ASB18: variants seen among roughly 807,000 people sequenced by gnomAD.
ASB18 encodes ankyrin repeat and SOCS box protein 18.
ASB18 carries 33 observed loss-of-function variants against 33.4 expected under a neutral mutation model. The ratio of observed to expected loss-of-function variants is 0.99; its 90% confidence interval spans 0.75 to 1.32. The LOEUF (loss-of-function observed/expected upper bound fraction) is 1.32, where lower values mean the gene tolerates loss of function less well. ASB18 is among the 40% of genes most tolerant of loss of function. The probability of loss-of-function intolerance (pLI) is 0.00; values close to 1 mark genes in which losing one functional copy is unlikely to be tolerated. For synonymous variants in ASB18, 295 were observed against 307.6 expected, an observed-to-expected ratio of 0.96 and a Z score of 0.43; for missense variants, 694 against 655.5, an observed-to-expected ratio of 1.06 and a Z score of -0.64.
In ASB18 at chr2:236,226,446, GA is replaced by G. The variant is rs35773937; in HGVS notation, c.596+11242del. 0.14 allele frequency among the ~76,000 whole-genome samples: 20,765 copies of G among 152,064 alleles called. 1,486 individuals carry two copies. The highest frequency in any genetic ancestry group is 0.22 in the Middle Eastern group (64 of 294). ...TGAAACAAGAAAGAAGAAAGAGGAG[GA>G]AGAAGAGGAAGACAGAAGAAGAGAG... On this transcript the variant is annotated intron_variant, in intron 3 of 5. Coordinates refer to ENST00000409749, the MANE Select transcript of ASB18 (RefSeq NM_212556.4). This position sits in a 1 kb window ranked among gnomAD's most constrained non-coding sequence, Gnocchi z 4.8.
chr2:236,218,402 G>A (rs144506729), intron 3 of ASB18, among the ~76,000 whole-genome samples: 138 of 152,282 alleles, frequency 9.1e-4, no homozygotes, highest in African/African-American at 3.2e-3. Flanking sequence ...TTAATGGCAT[G>A]GAAATACATT....
Position 236,196,281 on chromosome 2 carries a change from T to C in ASB18, c.1206A>G (p.Glu402=). 1.3e-6 allele frequency: 2 copies of C among 1,547,136 alleles called. No individual in the cohort carries two copies. The highest frequency in any genetic ancestry group is 4.9e-5 in the East Asian group (2 of 41,222). The stretch of plus-strand genomic sequence containing the variant: ...AAGGCAGCCCTCTTGCCTGGAATAC[T>C]TCCTCAGGAATCACTTCCTTCCAGG... ...SESWKEVIPE[E]VFQMHKPFYQ... is the part of the protein sequence containing the mutation. Residue 402 remains glutamate, a synonymous_variant, in exon 5 of 6, where the codon GAA becomes GAG. Transcript: ENST00000409749. The surrounding 1 kb of genome is among the most constrained non-coding windows in gnomAD (Gnocchi z 5.6).
In ASB18 at chr2:236,208,052, A is replaced by G. The variant is rs1451617309; in HGVS notation, c.1101+6310T>C. Among the ~76,000 whole-genome samples the G allele has an allele frequency of 3.3e-5, 5 of 151,328 alleles. No homozygotes were observed. On this transcript the variant is annotated intron_variant, in intron 4 of 5. Transcript: ENST00000409749. This position sits in a 1 kb window ranked among gnomAD's most constrained non-coding sequence, Gnocchi z 7.7. ...TTTCTAGACTGGGCATCATATCGACATCATAAGAGCTATTATCGGTGGTCC... is the reference window on the plus strand; with the variant it reads ...TTTCTAGACTGGGCATCATATCGACGTCATAAGAGCTATTATCGGTGGTCC...
rs566665797 is a variant in ASB18, at chr2:236,233,977, T to C, written c.596+3712A>G. Among the ~76,000 whole-genome samples, 5 of 152,362 alleles carry C rather than the reference T, an allele frequency of 3.3e-5. 1 individual carries two copies. In the South Asian group the frequency reaches 1.0e-3, roughly 32 times the overall value. ...AGGAAGAACTATGCTTGAAAACTTA[T>C]ACTACCTGACTTCAAAATTTATTAT... On this transcript the variant is annotated intron_variant, in intron 3 of 5. Transcript: ENST00000409749.
chr2:236,214,970 G>C lies in ASB18; in HGVS notation c.597-104C>G. 1.2e-6 allele frequency: 1 copy of C among 807,100 alleles called. No individual in the cohort carries two copies. The highest frequency in any genetic ancestry group is 1.6e-6 in the Non-Finnish European group (1 of 641,966). The allele number at this position is 807,100 out of a possible 1,614,324, so 50.0% of individuals were successfully genotyped here. On this transcript the variant is annotated intron_variant, in intron 3 of 5. Coordinates refer to ENST00000409749, the MANE Select transcript of ASB18 (RefSeq NM_212556.4). This position sits in a 1 kb window ranked among gnomAD's most constrained non-coding sequence, Gnocchi z 6.5. ...ATATCAAGTGACCTCTGAATGAAAA[G>C]ACATGCTCCGCTCTCCCATACCAAG...
rs1329228042 is a variant in ASB18, at chr2:236,237,324, T to G, written c.596+365A>C. Among the ~76,000 whole-genome samples, 1 of 147,586 alleles carries G rather than the reference T, an allele frequency of 6.8e-6. No homozygotes were observed. The highest frequency in any genetic ancestry group is 2.5e-5 in the African/African-American group (1 of 40,796). On this transcript the variant is annotated intron_variant, in intron 3 of 5. Coordinates refer to ENST00000409749, the MANE Select transcript of ASB18 (RefSeq NM_212556.4). This position sits in a 1 kb window ranked among gnomAD's most constrained non-coding sequence, Gnocchi z 6.2. ...CCCGCGCGCGCTCGCAATCAAGCGC[T>G]AATTAAACCCGCGGGGGCCGGGGCC...
rs2060652927 is a variant in ASB18 at position 236,248,170 on chromosome 2, C to T, written c.206-6768G>A. 1 of 152,170 alleles carries T rather than the reference C, an allele frequency of 6.6e-6. No individual in the cohort carries two copies. Among genetic ancestry groups the T allele is most frequent in the Non-Finnish European group, 1.5e-5 (1 of 68,038 alleles). 9.4% of individuals were successfully genotyped at this position (152,170 alleles called of 1,614,324 possible). A position where few individuals can be genotyped will look rare whatever the true frequency, so the allele number is the denominator to read the frequency against. ...AATAATACACGTGATGCCCCAACAG[C>T]AGTGGTTCAAACGTTGGCTACAAAA... On this transcript the variant is annotated intron_variant, in intron 1 of 5. Coordinates refer to ENST00000409749, the MANE Select transcript of ASB18 (RefSeq NM_212556.4). This position sits in a 1 kb window ranked among gnomAD's most constrained non-coding sequence, Gnocchi z 4.9.
At position 236,196,292 on chromosome 2, in the gene ASB18, T is replaced by C. The variant is rs368003588; in HGVS notation, c.1195A>G (p.Ile399Val). The change falls in exon 5 of 6, where the codon ATT (isoleucine) becomes GTT (valine). Residue 399 changes from isoleucine (I) to valine (V), a missense_variant. Transcript: ENST00000409749. The surrounding 1 kb of genome is among the most constrained non-coding windows in gnomAD (Gnocchi z 5.6). Reference sequence around the variant, plus strand: ...CTTGCCTGGAATACTTCCTCAGGAATCACTTCCTTCCAGGACTCTGACAAG... The same window carrying C: ...CTTGCCTGGAATACTTCCTCAGGAACCACTTCCTTCCAGGACTCTGACAAG... ...LCLSESWKEV[I>V]PEEVFQMHKP... The C allele has an allele frequency of 2.1e-5, 33 of 1,554,672 alleles. No homozygotes were observed. The African/African-American group carries it at 3.4e-4, about 16-fold the overall frequency.
rs949004061 is a variant in ASB18 at position 236,245,587 on chromosome 2, C to T, written c.206-4185G>A. Among the ~76,000 whole-genome samples the T allele has an allele frequency of 6.6e-6, 1 of 152,174 alleles. No homozygotes were observed. The highest frequency in any genetic ancestry group is 2.4e-5 in the African/African-American group (1 of 41,446). On this transcript the variant is annotated intron_variant, in intron 1 of 5. Coordinates refer to ENST00000409749, the MANE Select transcript of ASB18 (RefSeq NM_212556.4). This position sits in a 1 kb window ranked among gnomAD's most constrained non-coding sequence, Gnocchi z 4.7. ...TTTTCCCTCCTTGCCTGGCCAGCCT[C>T]GCTCATCCTCCAACACAGCTTAGCC...
rs2060606232 is a variant in ASB18, at chr2:236,238,408, A to G, written c.329-452T>C. Among the ~76,000 whole-genome samples, 1 of 152,158 alleles carries G rather than the reference A, an allele frequency of 6.6e-6. No individual in the cohort carries two copies. The highest frequency in any genetic ancestry group is 6.5e-5 in the Admixed American group (1 of 15,276). ...ATTTTCCCGAATCCAGCACTCCCTT[A>G]GCTGAGCTCCAAACTTGTCCCTTTA... is the stretch of plus-strand genomic sequence containing the variant. On this transcript the variant is annotated intron_variant, in intron 2 of 5. Coordinates refer to ENST00000409749, the MANE Select transcript of ASB18 (RefSeq NM_212556.4). This position sits in a 1 kb window ranked among gnomAD's most constrained non-coding sequence, Gnocchi z 5.2.
intron 3 of ASB18, among the ~76,000 whole-genome samples, chr2:236,233,886 G>A (rs969641124): frequency 7.2e-5 from 11 of 152,184 alleles, no homozygotes; most frequent in African/African-American, 2.2e-4. Context: ...TGTAGAAATG[G>A]ATGAACTGAA....
rs72976604 is a variant in ASB18, at chr2:236,218,445, T to C, written c.597-3579A>G. ...GATGTGAACAGATCAGGTTACAAAA[T>C]AGCACCACTGTACAGTCCCATTTTG... On this transcript the variant is annotated intron_variant, in intron 3 of 5. Transcript: ENST00000409749. Among the ~76,000 whole-genome samples, 1,318 of 152,298 alleles carry C rather than the reference T, an allele frequency of 8.7e-3. 9 individuals carry two copies. The highest frequency in any genetic ancestry group is 0.013 in the Non-Finnish European group (892 of 68,030).
chr2:236,257,326 C>T lies in ASB18; in HGVS notation c.205+6815G>A, dbSNP rs2060697024. On this transcript the variant is annotated intron_variant, in intron 1 of 5. Coordinates refer to ENST00000409749, the MANE Select transcript of ASB18 (RefSeq NM_212556.4). This position sits in a 1 kb window ranked among gnomAD's most constrained non-coding sequence, Gnocchi z 5.5. ...TTTTGCTTCGAGCAGGGTCTCCCTG[C>T]CCCCACGCTCTCTGGTGGAGTGAGC... Among the ~76,000 whole-genome samples the T allele has an allele frequency of 6.6e-6, 1 of 152,346 alleles. No individual in the cohort carries two copies. Among genetic ancestry groups the T allele is most frequent in the African/African-American group, 2.4e-5 (1 of 41,570 alleles).
In ASB18 at chr2:236,221,989, G is replaced by A. The variant is rs1231238632; in HGVS notation, c.597-7123C>T. On this transcript the variant is annotated intron_variant, in intron 3 of 5. Coordinates refer to ENST00000409749, the MANE Select transcript of ASB18 (RefSeq NM_212556.4). The surrounding 1 kb of genome is among the most constrained non-coding windows in gnomAD (Gnocchi z 5.6). ...GCTGGGCATGTGCCAGCCTATGGGG[G>A]CAAGGTTGCAGGGGAGCCTTGGGAG... Among the ~76,000 whole-genome samples, 1 of 152,206 alleles carries A rather than the reference G, an allele frequency of 6.6e-6. No individual in the cohort carries two copies. Among genetic ancestry groups the A allele is most frequent in the Non-Finnish European group, 1.5e-5 (1 of 68,042 alleles).
Position 236,200,507 on chromosome 2 carries a change from G to C in ASB18, c.1102-4122C>G, listed in dbSNP as rs2060395681. Among the ~76,000 whole-genome samples, 1 of 152,248 alleles carries C rather than the reference G, an allele frequency of 6.6e-6. No individual in the cohort carries two copies. Among genetic ancestry groups the C allele is most frequent in the Non-Finnish European group, 1.5e-5 (1 of 68,046 alleles). On this transcript the variant is annotated intron_variant, in intron 4 of 5. Coordinates refer to ENST00000409749, the MANE Select transcript of ASB18 (RefSeq NM_212556.4). The surrounding 1 kb of genome is among the most constrained non-coding windows in gnomAD (Gnocchi z 4.2). ...ATTACCACCCTGGGCTGAAGGGCCA[G>C]TCAGGTGAGCTGTCGTAGCAGAAGC... is the stretch of plus-strand genomic sequence containing the variant.
intron 1 of ASB18, among the ~76,000 whole-genome samples, chr2:236,247,082 G>C (rs1279028065): frequency 1.5e-4 from 23 of 148,714 alleles, no homozygotes. Flanking sequence ...AAGTATCCAA[G>C]TTTGATTTCA....
rs560356162 is a variant in ASB18 at position 236,193,751 on chromosome 2, G to A, written c.*1121C>T. ...GCGGAGGTTGCGGTGAGCCAAGATT[G>A]CGCCAGTCTCAAAACAAACAAACAA... On this transcript the variant is annotated 3_prime_UTR_variant, in exon 6 of 6. Transcript: ENST00000409749. The surrounding 1 kb of genome is among the most constrained non-coding windows in gnomAD (Gnocchi z 5.0). Among the ~76,000 whole-genome samples the A allele has an allele frequency of 4.5e-4, 69 of 152,286 alleles. No homozygotes were observed. The highest frequency in any genetic ancestry group is 1.6e-3 in the African/African-American group (68 of 41,572).
chr2:236,194,971 T>G lies in ASB18; in HGVS notation c.1302A>C (p.Arg434Ser). Reference protein sequence around the residue: ...LQHLCRCALRRLFGKRCFDLI... With the variant: ...LQHLCRCALRSLFGKRCFDLI... ...GGTCAAAGCACCTTTTGCCAAACAG[T>G]CTGCGAAGAGCACAGCGGCAAAGAT... is the stretch of plus-strand genomic sequence containing the variant. The change falls in exon 6 of 6, where the codon AGA becomes AGC. Residue 434 changes from arginine to serine, a missense_variant. Physicochemically the swap from Arg to Ser is moderately radical, Grantham distance 110 (BLOSUM62 -1). Coordinates refer to ENST00000409749, the MANE Select transcript of ASB18 (RefSeq NM_212556.4). The surrounding 1 kb of genome is among the most constrained non-coding windows in gnomAD (Gnocchi z 4.5). 2 of 1,613,908 alleles carry G rather than the reference T, an allele frequency of 1.2e-6. No homozygotes were observed. The highest frequency in any genetic ancestry group is 1.3e-5 in the African/African-American group (1 of 75,044).
Position 236,256,724 on chromosome 2 carries a change from A to G in ASB18, c.205+7417T>C, listed in dbSNP as rs1273731002. On this transcript the variant is annotated intron_variant, in intron 1 of 5. Coordinates refer to ENST00000409749, the MANE Select transcript of ASB18 (RefSeq NM_212556.4). The surrounding 1 kb of genome is among the most constrained non-coding windows in gnomAD (Gnocchi z 4.7). The stretch of plus-strand genomic sequence containing the variant: ...AATACCCTGATTTAGTCTAATTGCA[A>G]TTTCACTGTGTTCCACAGGCAGTGA... Among the ~76,000 whole-genome samples, 1 of 152,122 alleles carries G rather than the reference A, an allele frequency of 6.6e-6. No individual in the cohort carries two copies. The highest frequency in any genetic ancestry group is 1.5e-5 in the Non-Finnish European group (1 of 68,020).
Sources: allele counts gnomAD v4.1 joint callset (sites outside exome capture counted in the v4.1 genomes callset), GRCh38; gene constraint gnomAD v4.1.1; non-coding constraint Gnocchi (gnomAD v3.1); transcripts MANE v1.5; gene names NCBI Gene and HGNC (gene_info 2026-07-23, HGNC 2026-07-21).